The following STK3 variants were observed in gnomAD, a reference collection of about 807,000 sequenced individuals.
The protein encoded by STK3 is serine/threonine kinase 3, also known as serine/threonine-protein kinase 3.
In STK3, 41 loss-of-function variants were observed where a neutral mutation model predicts 58.0. That is an observed-to-expected ratio of 0.71 (90% CI 0.55 to 0.92). The LOEUF (loss-of-function observed/expected upper bound fraction) is 0.92, where lower values mean the gene tolerates loss of function less well. Ranked by LOEUF, STK3 falls within the 40% of genes least tolerant of loss-of-function variation. The probability of loss-of-function intolerance (pLI) is 0.00; values close to 1 mark genes in which losing one functional copy is unlikely to be tolerated. For synonymous variants in STK3, 170 were observed against 191.0 expected, an observed-to-expected ratio of 0.89 and a Z score of 0.91; for missense variants, 479 against 602.7, an observed-to-expected ratio of 0.79 and a Z score of 2.15.
intron 3 of STK3, among the ~76,000 whole-genome samples, chr8:98,755,936 T>G (rs1197260189): frequency 1.3e-5 from 2 of 151,976 alleles, no homozygotes. Flanking sequence ...GGTCAAGAGA[T>G]CGAGACCATC....
chr8:98,781,617 A>T (rs1385688883), intron 1 of STK3, among the ~76,000 whole-genome samples: 1 of 152,164 alleles, frequency 6.6e-6, no homozygotes, highest in Non-Finnish European at 1.5e-5. Flanking sequence ...AGGAGATTAT[A>T]TTACCAAAAG....
intron 1 of STK3, among the ~76,000 whole-genome samples, chr8:98,929,698 T>G (rs1286695743): frequency 6.6e-6 from 1 of 152,192 alleles, no homozygotes; most frequent in East Asian, 1.9e-4. Flanking sequence ...TACAATTAAA[T>G]TGTGCCAGCC....
chr8:98,877,753 G>T (rs1837610296), intron 3 of STK3, among the ~76,000 whole-genome samples: 1 of 152,018 alleles, frequency 6.6e-6, no homozygotes. Flanking sequence ...AAAGTGTTGG[G>T]ATTACAGGCA....
intron 1 of STK3, among the ~76,000 whole-genome samples, chr8:98,888,565 G>T (rs949342906): frequency 1.3e-5 from 2 of 152,174 alleles, no homozygotes; most frequent in African/African-American, 4.8e-5. Flanking sequence ...TTAAATAAAA[G>T]TGTAAACCAC....
chr8:98,644,569 T>A (rs1380559430), intron 6 of STK3, among the ~76,000 whole-genome samples: 1 of 152,170 alleles, frequency 6.6e-6, no homozygotes, highest in Non-Finnish European at 1.5e-5. Context: ...ACAGAAATTA[T>A]AATCACATCA....
intron 1 of STK3, among the ~76,000 whole-genome samples, chr8:98,813,277 A>G (rs1433404592): frequency 6.6e-6 from 1 of 152,236 alleles, no homozygotes; most frequent in African/African-American, 2.4e-5. Context: ...CTGAGATTAG[A>G]GCCAACATCT....
At chr8:98,650,351 G>T (rs933916282) in intron 6 of STK3, among the ~76,000 whole-genome samples, 1 of 152,202 alleles carries the variant, frequency 6.6e-6, no homozygotes, top group Non-Finnish European at 1.5e-5. Flanking sequence ...AGAATGGCCC[G>T]GAGGGCAGCC....
intron 1 of STK3, among the ~76,000 whole-genome samples, chr8:98,921,722 C>T (rs1486884461): frequency 6.6e-6 from 1 of 152,074 alleles, no homozygotes; most frequent in African/African-American, 2.4e-5. Flanking sequence ...GAGACAGTCT[C>T]ACTCTATCAC....
intron 3 of STK3, among the ~76,000 whole-genome samples, chr8:98,410,606 A>T (rs970438002): frequency 6.6e-6 from 1 of 152,248 alleles, no homozygotes; most frequent in Non-Finnish European, 1.5e-5. Flanking sequence ...GCACTAATTG[A>T]TATGGTTGAT....
At chr8:98,671,098 T>C (rs546476826) in intron 6 of STK3, among the ~76,000 whole-genome samples, 10 of 151,442 alleles carry the variant, frequency 6.6e-5, no homozygotes, top group African/African-American at 2.0e-4. Context: ...ATAAGTAACA[T>C]GTATAACACA....
At chr8:98,736,161 G>A (rs1386259235) in intron 4 of STK3, among the ~76,000 whole-genome samples, 1 of 152,066 alleles carries the variant, frequency 6.6e-6, no homozygotes. Flanking sequence ...ATGTAAGAGT[G>A]AATATGCAAT....
chr8:98,438,104 T>C (rs1818557518), intron 1 of STK3: 1 of 152,232 alleles, frequency 6.6e-6, no homozygotes, highest in Non-Finnish European at 1.5e-5. Flanking sequence ...TATGCACAGT[T>C]TAAATATATT....
intron 10 of STK3, among the ~76,000 whole-genome samples, chr8:98,493,102 T>C (rs1175617542): frequency 1.3e-5 from 2 of 150,690 alleles, no homozygotes; most frequent in Non-Finnish European, 3.0e-5. Flanking sequence ...CATGGTAGTG[T>C]GCACCTGTAG....
intron 1 of STK3, among the ~76,000 whole-genome samples, chr8:98,930,659 G>C (rs944805895): frequency 6.6e-6 from 1 of 152,098 alleles, no homozygotes; most frequent in South Asian, 2.1e-4. Flanking sequence ...ATTTAGGAAG[G>C]GTAAAAAATA....
intron 3 of STK3, among the ~76,000 whole-genome samples, chr8:98,757,622 C>T (rs1167653358): frequency 6.7e-6 from 1 of 148,482 alleles, no homozygotes; most frequent in Non-Finnish European, 1.5e-5. Context: ...AAAAAGCCTA[C>T]CAATAGGCTC....
At chr8:98,780,664 A>G (rs1415026142) in intron 1 of STK3, among the ~76,000 whole-genome samples, 1 of 152,068 alleles carries the variant, frequency 6.6e-6, no homozygotes, top group Non-Finnish European at 1.5e-5. Context: ...CACAGGGGAA[A>G]AAAAAAACAG....
the STK3 span, among the ~76,000 whole-genome samples, chr8:98,345,910 G>C: frequency 1.3e-5 from 2 of 152,058 alleles, no homozygotes; most frequent in Non-Finnish European, 2.9e-5. Context: ...TTTCAGGAGA[G>C]AAAAGATTCA....
At chr8:98,862,753 T>C (rs1200004452) in intron 3 of STK3, among the ~76,000 whole-genome samples, 2 of 152,256 alleles carry the variant, frequency 1.3e-5, no homozygotes, top group African/African-American at 4.8e-5. Context: ...GCAAAATCTA[T>C]TGAAATGGCA....
intron 4 of STK3, among the ~76,000 whole-genome samples, chr8:98,732,660 T>A (rs1828293216): frequency 6.6e-6 from 1 of 152,132 alleles, no homozygotes; most frequent in African/African-American, 2.4e-5. Flanking sequence ...CTTTTTTTAA[T>A]GGTGGCACTA....
Sources: allele counts gnomAD v4.1 joint callset (sites outside exome capture counted in the v4.1 genomes callset), GRCh38; gene constraint gnomAD v4.1.1; transcripts MANE v1.5; gene names NCBI Gene and HGNC (gene_info 2026-07-23, HGNC 2026-07-21).